Variants in CFAP61 observed in about 807,000 individuals in gnomAD.
CFAP61 encodes the protein cilia- and flagella-associated protein 61.
CFAP61 carries 107 observed loss-of-function variants against 135.6 expected under a neutral mutation model. The ratio of observed to expected loss-of-function variants is 0.79; its 90% CI spans 0.67 to 0.93. CFAP61 has a LOEUF of 0.93. Among genes scored for constraint, CFAP61 ranks in the 40% least tolerant of loss-of-function variants. The pLI is 0.00. For missense variants in CFAP61, 1,507 were observed against 1,556.2 expected (o/e 0.97, Z 0.53); for synonymous variants, 575 against 578.5 (o/e 0.99, Z 0.09).
chr20:20,268,889 T>C (rs2053031145), intron 21 of CFAP61, among the ~76,000 whole-genome samples: 1 of 152,204 alleles, frequency 6.6e-6, no homozygotes, highest in African/African-American at 2.4e-5. Context: ...TTTTCATCTT[T>C]AGCTAAATAC....
At chr20:20,209,741 C>A (rs2047496063) in intron 17 of CFAP61, among the ~76,000 whole-genome samples, 1 of 152,076 alleles carries the variant, frequency 6.6e-6, no homozygotes, top group Admixed American at 6.5e-5. Context: ...TGTTTTTAGG[C>A]AGGTAGGAAA....
chr20:20,278,106 C>G (rs930951853), intron 22 of CFAP61, among the ~76,000 whole-genome samples: 1 of 152,168 alleles, frequency 6.6e-6, no homozygotes, highest in Non-Finnish European at 1.5e-5. Flanking sequence ...GAATGGAGAG[C>G]GCTTCTCTTT....
At chr20:20,096,762 T>G (rs1390887271) in intron 7 of CFAP61, among the ~76,000 whole-genome samples, 1 of 152,214 alleles carries the variant, frequency 6.6e-6, no homozygotes, top group Non-Finnish European at 1.5e-5. Flanking sequence ...GCTAGACAAC[T>G]GCGGCTATGC....
At chr20:20,169,205 T>C (rs2054045094) in intron 12 of CFAP61, 116 bp from the exon 13 acceptor site, 1 of 930,534 alleles carries the variant, frequency 1.1e-6, no homozygotes, top group Admixed American at 2.5e-5. Flanking sequence ...AATTTGAATA[T>C]CCTCTCCTTA....
intron 8 of CFAP61, among the ~76,000 whole-genome samples, chr20:20,133,199 A>G (rs962055720): frequency 6.6e-6 from 1 of 152,242 alleles, no homozygotes; most frequent in Non-Finnish European, 1.5e-5. Flanking sequence ...CGTTGCCACA[A>G]TAATGCTACT....
At position 20,324,897 on chromosome 20, in the gene CFAP61, GTTTC is replaced by G. The variant is rs1207704247; in HGVS notation, c.3423-16930_3423-16927del. Among the ~76,000 whole-genome samples, 6 of 152,220 alleles carry G rather than the reference GTTTC, an allele frequency of 3.9e-5. No individual in the cohort carries two copies. In the East Asian group the frequency reaches 1.2e-3, roughly 29 times the overall value. ...TTGCCCATTTTTAATTAGGTTGCCT[GTTTC>G]TTTTTCATTTATGAGAATTTATTAT... On this transcript the variant is annotated intron_variant, in intron 25 of 26. Transcript: ENST00000245957.
chr20:20,111,442 G>A (rs1464375748), intron 8 of CFAP61, among the ~76,000 whole-genome samples: 1 of 152,174 alleles, frequency 6.6e-6, no homozygotes, highest in Non-Finnish European at 1.5e-5. Flanking sequence ...CACCTCCAAG[G>A]CTGGGAACCC....
intron 17 of CFAP61, among the ~76,000 whole-genome samples, chr20:20,210,114 C>A (rs1387456656): frequency 6.6e-6 from 1 of 152,208 alleles, no homozygotes; most frequent in Non-Finnish European, 1.5e-5. Context: ...CCTCAGCCAT[C>A]TCCACTGGAC....
At chr20:20,285,038 C>T (rs775896707) in intron 22 of CFAP61, among the ~76,000 whole-genome samples, 12 of 152,118 alleles carry the variant, frequency 7.9e-5, no homozygotes, top group Non-Finnish European at 1.6e-4. Flanking sequence ...TCATTCTTAA[C>T]GCTTATTTTC....
intron 2 of CFAP61, among the ~76,000 whole-genome samples, chr20:20,059,482 G>A (rs2044640891): frequency 6.6e-6 from 1 of 151,120 alleles, no homozygotes; most frequent in African/African-American, 2.4e-5. Context: ...GCCAGGAGTG[G>A]TGGCACACAC....
intron 8 of CFAP61, among the ~76,000 whole-genome samples, chr20:20,118,832 C>T (rs1466347509): frequency 6.6e-6 from 1 of 151,524 alleles, no homozygotes; most frequent in Non-Finnish European, 1.5e-5. Context: ...TGAAATGAAT[C>T]CCATTTGATC....
intron 2 of CFAP61, among the ~76,000 whole-genome samples, chr20:20,066,552 T>C (rs1363303413): frequency 6.6e-6 from 1 of 152,138 alleles, no homozygotes; most frequent in Non-Finnish European, 1.5e-5. Context: ...CTGGAAACCA[T>C]CATTCTCAGC....
At chr20:20,299,736 C>T (rs1330708789) in intron 25 of CFAP61, among the ~76,000 whole-genome samples, 1 of 152,186 alleles carries the variant, frequency 6.6e-6, no homozygotes, top group Non-Finnish European at 1.5e-5. Flanking sequence ...CGTTTGTTCT[C>T]CCTGCTGTGT....
intron 8 of CFAP61, among the ~76,000 whole-genome samples, chr20:20,110,687 G>A (rs1163750690): frequency 6.6e-6 from 1 of 152,114 alleles, no homozygotes; most frequent in Non-Finnish European, 1.5e-5. Flanking sequence ...CTATAACCAC[G>A]GTCATGGCTG....
At chr20:20,295,961 G>A (rs917118365) in intron 24 of CFAP61, among the ~76,000 whole-genome samples, 2 of 145,880 alleles carry the variant, frequency 1.4e-5, no homozygotes, top group East Asian at 2.0e-4. Context: ...AGAGGAGCCC[G>A]CCCTTGCACA....
chr20:20,331,139 T>G (rs2057975423), intron 25 of CFAP61, among the ~76,000 whole-genome samples: 1 of 152,224 alleles, frequency 6.6e-6, no homozygotes, highest in Admixed American at 6.5e-5. Context: ...CTTCCATAAT[T>G]CTTACATATT....
intron 8 of CFAP61, among the ~76,000 whole-genome samples, chr20:20,135,556 G>A (rs775357820): frequency 6.6e-5 from 10 of 152,100 alleles, no homozygotes; most frequent in Non-Finnish European, 1.0e-4. Context: ...GAGGGATGAG[G>A]CTTGCAAATA....
chr20:20,356,311 A>AGT, intron 26 of CFAP61, among the ~76,000 whole-genome samples: 1 of 123,892 alleles, frequency 8.1e-6, no homozygotes, highest in African/African-American at 3.1e-5. Context: ...AGGTGGTCAC[A>AGT]CTGAGGGGAA....
chr20:20,143,072 G>C (rs941635213), intron 9 of CFAP61, 124 bp downstream of exon 9: 3 of 618,978 alleles, frequency 4.8e-6, no homozygotes, highest in South Asian at 4.1e-5. Context: ...TGCAGAAAAG[G>C]CCTCACTAGC....
Sources: allele counts gnomAD v4.1 joint callset (sites outside exome capture counted in the v4.1 genomes callset), GRCh38; gene constraint gnomAD v4.1.1; transcripts MANE v1.5; gene names NCBI Gene and HGNC (gene_info 2026-07-23, HGNC 2026-07-21).